The following MTUS2 variants were observed in gnomAD, a reference collection of about 807,000 sequenced individuals.
The protein encoded by MTUS2 is microtubule-associated tumor suppressor candidate 2.
A neutral mutation model predicts 114.1 loss-of-function variants in MTUS2; 40 were observed. The observed-to-expected ratio is 0.35, with a 90% CI of 0.27 to 0.46. The LOEUF is 0.46. Among genes scored for constraint, MTUS2 ranks in the 20% least tolerant of loss-of-function variants. The probability of loss-of-function intolerance (pLI) is 1.00; values close to 1 mark genes in which losing one functional copy is unlikely to be tolerated. For missense variants in MTUS2, 1,679 were observed against 1,705.4 expected, an observed-to-expected ratio of 0.98 and a Z score of 0.27; for synonymous variants, 688 against 672.0, an observed-to-expected ratio of 1.02 and a Z score of -0.37.
chr13:28,882,605 C>T (rs1432521098), intron 2 of MTUS2, among the ~76,000 whole-genome samples: 2 of 152,082 alleles, frequency 1.3e-5, no homozygotes, highest in Non-Finnish European at 2.9e-5. Flanking sequence ...GGTGTGGTGA[C>T]ATGTTTCTGT....
intron 2 of MTUS2, among the ~76,000 whole-genome samples, chr13:29,014,480 G>A (rs9579261): frequency 0.076 from 11,578 of 152,292 alleles, 553 homozygotes; most frequent in East Asian, 0.13. Context: ...ACTGGGATCT[G>A]TGGTGAGCAG....
intron 2 of MTUS2, among the ~76,000 whole-genome samples, chr13:28,973,328 A>G (rs1389139695): frequency 2.0e-5 from 3 of 152,180 alleles, no homozygotes. Context: ...AACTGTCATT[A>G]TTGCATATTA....
intron 5 of MTUS2, among the ~76,000 whole-genome samples, chr13:29,139,124 AG>A (rs1186306116): frequency 1.3e-5 from 2 of 151,292 alleles, no homozygotes; most frequent in Non-Finnish European, 2.9e-5. Context: ...GTATTATCTC[AG>A]GCACTTATGC....
chr13:28,930,137 C>T (rs1881536963), intron 2 of MTUS2, among the ~76,000 whole-genome samples: 1 of 152,158 alleles, frequency 6.6e-6, no homozygotes, highest in African/African-American at 2.4e-5. Flanking sequence ...CTTTCATTTT[C>T]CCTTCTTCAG....
intron 3 of MTUS2, among the ~76,000 whole-genome samples, chr13:29,031,124 G>A (rs1021417182): frequency 6.6e-6 from 1 of 152,034 alleles, no homozygotes; most frequent in East Asian, 1.9e-4. Flanking sequence ...GGCGATGTGC[G>A]TGCAGTGTAC....
chr13:28,966,419 C>T (rs770850204), intron 2 of MTUS2, among the ~76,000 whole-genome samples: 1 of 152,044 alleles, frequency 6.6e-6, no homozygotes, highest in Non-Finnish European at 1.5e-5. Context: ...ATGTTTATGC[C>T]TAATTCAAGA....
At chr13:29,498,806 T>C (rs1265754390) in intron 14 of MTUS2, among the ~76,000 whole-genome samples, 1 of 152,168 alleles carries the variant, frequency 6.6e-6, no homozygotes, top group African/African-American at 2.4e-5. Context: ...TGTGCTGTCT[T>C]CTCGCCCTCT....
In MTUS2 at chr13:29,324,668, T is replaced by C. The variant is rs368690623; in HGVS notation, c.2862T>C (p.Ser954=). 225 of 1,599,106 alleles carry C rather than the reference T, an allele frequency of 1.4e-4. No homozygotes were observed. Among genetic ancestry groups the C allele is most frequent in the Non-Finnish European group, 1.7e-4 (201 of 1,172,528 alleles). ...ATACGAATAAACCTGCTGTTTCATC[T>C]CCTAAGAGAGTAGCAGCTTCAACCA... ...DQDTNKPAVS[S]PKRVAASTTK... The change falls in exon 7 of 16, where the codon TCT becomes TCC. Residue 954 remains serine, a synonymous_variant. Transcript: ENST00000612955.
chr13:29,457,194 T>A (rs1322731878), intron 9 of MTUS2, among the ~76,000 whole-genome samples: 1 of 152,036 alleles, frequency 6.6e-6, no homozygotes, highest in Non-Finnish European at 1.5e-5. Context: ...TGTTTATTTT[T>A]AAATGTTCAG....
intron 8 of MTUS2, among the ~76,000 whole-genome samples, chr13:29,376,818 G>C (rs1390509509): frequency 6.6e-6 from 1 of 152,092 alleles, no homozygotes. Flanking sequence ...GATAAAGATT[G>C]TCATAGTATG....
At chr13:29,468,572 C>A (rs1880051385) in intron 9 of MTUS2, among the ~76,000 whole-genome samples, 1 of 149,478 alleles carries the variant, frequency 6.7e-6, no homozygotes, top group Admixed American at 6.6e-5. Flanking sequence ...CAGGGTGAGA[C>A]CCTGTCTCAA....
intron 5 of MTUS2, among the ~76,000 whole-genome samples, chr13:29,256,398 C>T (rs1897284356): frequency 6.6e-6 from 1 of 152,130 alleles, no homozygotes. Flanking sequence ...GGTGCCAAGC[C>T]CTGTAAGACG....
At chr13:28,980,126 G>A (rs1304842435) in intron 2 of MTUS2, among the ~76,000 whole-genome samples, 1 of 152,136 alleles carries the variant, frequency 6.6e-6, no homozygotes, top group Admixed American at 6.5e-5. Context: ...ATACTTGAGG[G>A]CTTTTGAATA....
intron 4 of MTUS2, among the ~76,000 whole-genome samples, chr13:29,061,367 C>T (rs915019743): frequency 3.3e-5 from 5 of 152,088 alleles, no homozygotes; most frequent in African/African-American, 2.4e-5. Flanking sequence ...GAAGTGGAAC[C>T]GTTATCAGCC....
At chr13:29,372,015 C>T (rs1001318911) in intron 8 of MTUS2, among the ~76,000 whole-genome samples, 23 of 129,814 alleles carry the variant, frequency 1.8e-4, no homozygotes, top group African/African-American at 6.6e-4. Context: ...CAAAAGGTAA[C>T]TGTGAGGTGA....
At chr13:29,081,156 G>GGA (rs2138729561) in intron 4 of MTUS2, among the ~76,000 whole-genome samples, 1 of 152,232 alleles carries the variant, frequency 6.6e-6, no homozygotes, top group South Asian at 2.1e-4. Flanking sequence ...TTGAGGTTAG[G>GGA]GTATAGGGTG....
At chr13:29,343,422 G>A (rs1901502273) in intron 7 of MTUS2, among the ~76,000 whole-genome samples, 1 of 151,656 alleles carries the variant, frequency 6.6e-6, no homozygotes, top group Non-Finnish European at 1.5e-5. Flanking sequence ...TCTCCTCTAG[G>A]TTTTCTACTA....
At chr13:29,354,409 T>C (rs1045407183) in intron 7 of MTUS2, among the ~76,000 whole-genome samples, 7 of 152,192 alleles carry the variant, frequency 4.6e-5, no homozygotes, top group African/African-American at 1.7e-4. Context: ...CAGATTTACC[T>C]TGATAAATAG....
chr13:28,956,948 G>A (rs561969841), intron 2 of MTUS2, among the ~76,000 whole-genome samples: 6 of 151,022 alleles, frequency 4.0e-5, no homozygotes, highest in Non-Finnish European at 7.4e-5. Flanking sequence ...GGAAGTGTTG[G>A]GGGACAGAGG....
Sources: allele counts gnomAD v4.1 joint callset (sites outside exome capture counted in the v4.1 genomes callset), GRCh38; gene constraint gnomAD v4.1.1; transcripts MANE v1.5; gene names NCBI Gene and HGNC (gene_info 2026-07-23, HGNC 2026-07-21).